Variants in SLC16A7 observed in about 807,000 individuals in gnomAD.
The protein encoded by SLC16A7 is solute carrier family 16 member 7.
A neutral mutation model predicts 34.9 loss-of-function variants in SLC16A7; 33 were observed. That is an observed-to-expected ratio of 0.94 (90% CI 0.72 to 1.26). The LOEUF (loss-of-function observed/expected upper bound fraction) is 1.26. Among genes scored for constraint, SLC16A7 ranks in the 50% most tolerant of loss-of-function variants. SLC16A7 has a pLI of 0.00. For missense variants in SLC16A7, 573 were observed against 578.1 expected, an observed-to-expected ratio of 0.99 and a Z score of 0.09; for synonymous variants, 201 against 206.6, an observed-to-expected ratio of 0.97 and a Z score of 0.23.
chr12:59,667,546 A>C (rs1869305327), intron 2 of SLC16A7, among the ~76,000 whole-genome samples: 1 of 152,188 alleles, frequency 6.6e-6, no homozygotes, highest in African/African-American at 2.4e-5. Context: ...TGGAACTTTG[A>C]TCTTGAGAGA....
intron 3 of SLC16A7, among the ~76,000 whole-genome samples, chr12:59,731,093 TA>T (rs1438198251): frequency 2.6e-5 from 4 of 152,210 alleles, no homozygotes; most frequent in African/African-American, 9.6e-5. Context: ...TTTTACCTAA[TA>T]AATGGTAAAT....
chr12:59,656,743 T>G (rs1868554276), intron 2 of SLC16A7, among the ~76,000 whole-genome samples: 1 of 151,966 alleles, frequency 6.6e-6, no homozygotes, highest in Non-Finnish European at 1.5e-5. Context: ...AGGTCAGTCA[T>G]AGGGGTATTT....
At chr12:59,762,575 A>C (rs1881133951) in intron 3 of SLC16A7, among the ~76,000 whole-genome samples, 1 of 152,132 alleles carries the variant, frequency 6.6e-6, no homozygotes, top group African/African-American at 2.4e-5. Context: ...ATTTCTTTTG[A>C]ATTTTCTTTC....
At chr12:59,735,055 A>C (rs1336045972) in intron 3 of SLC16A7, among the ~76,000 whole-genome samples, 1 of 152,224 alleles carries the variant, frequency 6.6e-6, no homozygotes. Context: ...ATTGTCTTTT[A>C]TAGCTTATGA....
intron 2 of SLC16A7, among the ~76,000 whole-genome samples, chr12:59,665,600 TC>T (rs1676676837): frequency 6.6e-6 from 1 of 152,094 alleles, no homozygotes; most frequent in African/African-American, 2.4e-5. Context: ...AAGACATTGC[TC>T]ACTAAGTTTT....
chr12:59,611,592 T>C (rs1319655141), intron 1 of SLC16A7, among the ~76,000 whole-genome samples: 1 of 152,186 alleles, frequency 6.6e-6, no homozygotes, highest in East Asian at 1.9e-4. Context: ...TCCCCCAAAG[T>C]GTTAAGTCAT....
At chr12:59,727,151 C>T (rs2711682) in intron 3 of SLC16A7, among the ~76,000 whole-genome samples, 16,517 of 141,236 alleles carry the variant, frequency 0.12, 1,233 homozygotes, top group African/African-American at 0.2. Flanking sequence ...ATGAGATGGA[C>T]ATATATATAT....
chr12:59,719,991 G>A, intron 3 of SLC16A7: 3 of 667,122 alleles, frequency 4.5e-6, no homozygotes, highest in Non-Finnish European at 5.4e-6. Flanking sequence ...GCATACCTGG[G>A]TCTACCTGAC....
chr12:59,605,360 A>G (rs1382453961), intron 1 of SLC16A7, among the ~76,000 whole-genome samples: 1 of 152,156 alleles, frequency 6.6e-6, no homozygotes, highest in Non-Finnish European at 1.5e-5. Context: ...CATTCCTATA[A>G]CTCAGTTTGC....
chr12:59,608,275 T>A (rs1592384626), intron 1 of SLC16A7, among the ~76,000 whole-genome samples: 1 of 152,242 alleles, frequency 6.6e-6, no homozygotes, highest in African/African-American at 2.4e-5. Flanking sequence ...CATTACCCAT[T>A]ACTTGTTGCA....
At chr12:59,641,861 T>C (rs1293225691) in intron 1 of SLC16A7, among the ~76,000 whole-genome samples, 2 of 151,990 alleles carry the variant, frequency 1.3e-5, no homozygotes, top group Non-Finnish European at 2.9e-5. Flanking sequence ...TAGATGTCAT[T>C]AATAAGGCAG....
chr12:59,611,695 G>A (rs1414316603), intron 1 of SLC16A7, among the ~76,000 whole-genome samples: 2 of 152,128 alleles, frequency 1.3e-5, no homozygotes, highest in African/African-American at 4.8e-5. Context: ...AAGCAAGTTA[G>A]TTACTTTCTA....
intron 3 of SLC16A7, chr12:59,769,354 T>TTA (rs1415541022): frequency 6.6e-6 from 1 of 152,100 alleles, no homozygotes; most frequent in Non-Finnish European, 1.5e-5. Context: ...ATAATATGTG[T>TTA]TATATATATT....
At chr12:59,687,154 C>T (rs1169411721) in intron 2 of SLC16A7, among the ~76,000 whole-genome samples, 2 of 151,470 alleles carry the variant, frequency 1.3e-5, no homozygotes, top group Non-Finnish European at 1.5e-5. Context: ...GCTTAGTGAC[C>T]TTGTTTTTAC....
intron 2 of SLC16A7, 43 bp from the exon 3 acceptor site, chr12:59,704,729 G>A (rs986871785): frequency 9.9e-7 from 1 of 1,011,556 alleles, no homozygotes; most frequent in Non-Finnish European, 1.5e-6. Flanking sequence ...GTAAACAAAA[G>A]GGGAAATAAA....
At chr12:59,672,749 T>TAGCAAATA (rs879788649) in intron 2 of SLC16A7, among the ~76,000 whole-genome samples, 2 of 152,182 alleles carry the variant, frequency 1.3e-5, no homozygotes, top group Non-Finnish European at 2.9e-5. Context: ...TAAGGGTGGA[T>TAGCAAATA]AGCAAATAAT....
At chr12:59,721,263 C>T (rs79536901) in intron 3 of SLC16A7, among the ~76,000 whole-genome samples, 4 of 152,114 alleles carry the variant, frequency 2.6e-5, no homozygotes, top group South Asian at 4.1e-4. Context: ...AGAAAGTTTA[C>T]GTTATCAGTA....
At chr12:59,614,824 TAAAAAAAAAAAAAAA>T (rs71448588) in intron 1 of SLC16A7, among the ~76,000 whole-genome samples, 1 of 35,744 alleles carries the variant, frequency 2.8e-5, no homozygotes, top group Non-Finnish European at 4.7e-5. Flanking sequence ...CCATTCCTAC[TAAAAAAAAAAAAAAA>T]AAAAAAAAAA....
At chr12:59,695,924 T>G (rs1044903512) in intron 2 of SLC16A7, among the ~76,000 whole-genome samples, 2 of 152,102 alleles carry the variant, frequency 1.3e-5, no homozygotes, top group African/African-American at 4.8e-5. Flanking sequence ...AAATAATTTT[T>G]GTTTCCTTCC....
Sources: gnomAD v4.1 joint callset for allele counts (sites outside exome capture counted in the v4.1 genomes callset) on GRCh38, gnomAD v4.1.1 for gene constraint, MANE v1.5 for transcripts, NCBI Gene and HGNC (gene_info 2026-07-23, HGNC 2026-07-21) for gene names.